RBFOX1: variants seen among roughly 807,000 people sequenced by gnomAD.
The protein encoded by RBFOX1 is RNA binding fox-1 homolog 1.
In RBFOX1, 8 loss-of-function variants were observed where a neutral mutation model predicts 57.7. The ratio of observed to expected loss-of-function variants is 0.14; its 90% CI spans 0.08 to 0.25. The LOEUF is 0.25. RBFOX1 is among the 10% of genes least tolerant of loss of function. The probability of loss-of-function intolerance (pLI) is 1.00; values close to 1 mark genes in which losing one functional copy is unlikely to be tolerated. For missense variants in RBFOX1, 611 were observed against 548.5 expected, an observed-to-expected ratio of 1.11 and a Z score of -1.14; for synonymous variants, 326 against 222.4, an observed-to-expected ratio of 1.47 and a Z score of -4.15.
At chr16:7,416,805 G>C (rs1321081731) in intron 4 of RBFOX1, among the ~76,000 whole-genome samples, 1 of 152,024 alleles carries the variant, frequency 6.6e-6, no homozygotes, top group Non-Finnish European at 1.5e-5. Flanking sequence ...TAGATATCAT[G>C]TATCAACTCC....
At chr16:5,479,093 G>C (rs796460931) in intron 2 of RBFOX1, among the ~76,000 whole-genome samples, 6 of 152,294 alleles carry the variant, frequency 3.9e-5, no homozygotes, top group African/African-American at 1.4e-4. Flanking sequence ...CAAGGGGTGA[G>C]AGACGGCTTA....
At chr16:7,122,239 G>T (rs1680260507) in intron 4 of RBFOX1, among the ~76,000 whole-genome samples, 1 of 152,182 alleles carries the variant, frequency 6.6e-6, no homozygotes, top group Admixed American at 6.5e-5. Flanking sequence ...AGAAATATTT[G>T]TAAACCACTC....
intron 4 of RBFOX1, among the ~76,000 whole-genome samples, chr16:7,330,028 T>A (rs977802083): frequency 6.6e-6 from 1 of 152,102 alleles, no homozygotes; most frequent in Non-Finnish European, 1.5e-5. Flanking sequence ...TATCTAAACA[T>A]AGAAAAGGTA....
chr16:6,828,809 A>G (rs954994243), intron 3 of RBFOX1, among the ~76,000 whole-genome samples: 2 of 152,152 alleles, frequency 1.3e-5, no homozygotes, highest in Non-Finnish European at 2.9e-5. Flanking sequence ...GTAAAAATGG[A>G]TGGCATCACA....
intron 1 of RBFOX1, among the ~76,000 whole-genome samples, chr16:6,064,215 T>C (rs1209422767): frequency 6.6e-6 from 1 of 152,198 alleles, no homozygotes; most frequent in Non-Finnish European, 1.5e-5. Flanking sequence ...AGAGATGACC[T>C]ATACGTTCTT....
chr16:5,904,539 G>T (rs1046680938), intron 4 of RBFOX1, among the ~76,000 whole-genome samples: 2 of 151,868 alleles, frequency 1.3e-5, no homozygotes, highest in African/African-American at 4.8e-5. Flanking sequence ...CGGAAGGCAG[G>T]CAGGTGCATT....
chr16:7,507,060 A>C (rs969134755), intron 4 of RBFOX1, among the ~76,000 whole-genome samples: 1 of 152,220 alleles, frequency 6.6e-6, no homozygotes, highest in African/African-American at 2.4e-5. Flanking sequence ...TATTTTATGA[A>C]TAAGGAAACT....
intron 1 of RBFOX1, among the ~76,000 whole-genome samples, chr16:5,288,256 A>T (rs919945801): frequency 6.6e-6 from 1 of 152,238 alleles, no homozygotes; most frequent in African/African-American, 2.4e-5. Flanking sequence ...AGTCTTTTAC[A>T]TGCTGATAAT....
At chr16:5,247,523 G>T (rs111386568) in intron 1 of RBFOX1, among the ~76,000 whole-genome samples, 2 of 152,164 alleles carry the variant, frequency 1.3e-5, no homozygotes, top group Non-Finnish European at 2.9e-5. Context: ...CAAGATGGAT[G>T]GGTCCTTGGA....
In RBFOX1 at chr16:6,818,494, G is replaced by A. The variant is rs1177053370; in HGVS notation, c.-16+163844G>A. Among the ~76,000 whole-genome samples, 4 of 152,150 alleles carry A rather than the reference G, an allele frequency of 2.6e-5. 1 individual carries two copies. Among genetic ancestry groups the A allele is most frequent in the African/African-American group, 9.7e-5 (4 of 41,414 alleles). On this transcript the variant is annotated intron_variant, in intron 3 of 15. Transcript: ENST00000550418. ...TTATGAGTGAGTAAATGCCAGTGAG[G>A]TTTGTTATGTAGTTACTAAAGTGGC...
intron 1 of RBFOX1, among the ~76,000 whole-genome samples, chr16:5,305,368 C>G (rs1303129445): frequency 1.3e-5 from 2 of 152,270 alleles, no homozygotes; most frequent in African/African-American, 4.8e-5. Flanking sequence ...TACCTGCTTT[C>G]TGTCTTCTGC....
chr16:7,141,069 C>G (rs2073639283), intron 4 of RBFOX1, among the ~76,000 whole-genome samples: 1 of 152,128 alleles, frequency 6.6e-6, no homozygotes, highest in Non-Finnish European at 1.5e-5. Flanking sequence ...CAGGGAACCT[C>G]CTGACGATGA....
intron 4 of RBFOX1, among the ~76,000 whole-genome samples, chr16:7,144,260 G>C (rs78365873): frequency 0.065 from 9,957 of 152,058 alleles, 436 homozygotes; most frequent in South Asian, 0.11. Flanking sequence ...TTTAATGAAA[G>C]CAAAGAACTT....
intron 1 of RBFOX1, among the ~76,000 whole-genome samples, chr16:5,316,216 C>T (rs540109991): frequency 6.6e-6 from 1 of 152,338 alleles, no homozygotes; most frequent in South Asian, 2.1e-4. Flanking sequence ...GCACAACTTC[C>T]CTCAGATGCT....
chr16:5,544,813 G>A (rs1249714533), intron 2 of RBFOX1, among the ~76,000 whole-genome samples: 2 of 152,004 alleles, frequency 1.3e-5, no homozygotes, highest in African/African-American at 4.8e-5. Context: ...TAAATTCCTT[G>A]GAAGATATAA....
chr16:5,308,322 G>A (rs1222546542), intron 1 of RBFOX1, among the ~76,000 whole-genome samples: 1 of 116,082 alleles, frequency 8.6e-6, no homozygotes, highest in East Asian at 2.5e-4. Context: ...GTGAGGCTCT[G>A]TCTAAAAAAA....
chr16:5,805,516 C>G (rs575688101), intron 3 of RBFOX1, among the ~76,000 whole-genome samples: 1 of 152,132 alleles, frequency 6.6e-6, no homozygotes, highest in East Asian at 1.9e-4. Flanking sequence ...GTTGGTGGCC[C>G]TGCCAGAAAC....
chr16:6,765,136 C>T (rs1461069018), intron 3 of RBFOX1, among the ~76,000 whole-genome samples: 1 of 151,970 alleles, frequency 6.6e-6, no homozygotes, highest in Non-Finnish European at 1.5e-5. Context: ...AGTAAAACGA[C>T]AGGGAATCTG....
chr16:6,500,260 C>T (rs921684422), intron 2 of RBFOX1, among the ~76,000 whole-genome samples: 2 of 152,112 alleles, frequency 1.3e-5, no homozygotes, highest in Admixed American at 6.6e-5. Context: ...TTATTGAGGC[C>T]TTTAGCAAGA....
Sources: allele counts gnomAD v4.1 joint callset (sites outside exome capture counted in the v4.1 genomes callset), GRCh38; gene constraint gnomAD v4.1.1; transcripts MANE v1.5; gene names NCBI Gene and HGNC (gene_info 2026-07-23, HGNC 2026-07-21).